Variants in CCDC88A observed in about 807,000 individuals in gnomAD.
CCDC88A encodes the protein coiled-coil and HOOK domain protein 88A.
In CCDC88A, 54 loss-of-function variants were observed where a neutral mutation model predicts 234.3. The ratio of observed to expected loss-of-function variants is 0.23; its 90% confidence interval spans 0.19 to 0.29. CCDC88A has a LOEUF of 0.29. Among genes scored for constraint, CCDC88A ranks in the 10% least tolerant of loss-of-function variants. The probability of loss-of-function intolerance (pLI) is 1.00; values close to 1 mark genes in which losing one functional copy is unlikely to be tolerated. For missense variants in CCDC88A, 1,832 were observed against 2,123.4 expected (o/e 0.86, Z 2.70); for synonymous variants, 753 against 737.8 (o/e 1.02, Z -0.33).
At position 55,309,249 on chromosome 2, in the gene CCDC88A, T is replaced by A. The variant is rs1289994881; in HGVS notation, c.4085A>T (p.Lys1362Met). 7.4e-7 allele frequency: 1 copy of A among 1,348,756 alleles called. No individual in the cohort carries two copies. The highest frequency in any genetic ancestry group is 1.0e-6 in the Non-Finnish European group (1 of 959,898). 83.5% of individuals were successfully genotyped at this position (1,348,756 alleles called of 1,614,324 possible). A position where few individuals can be genotyped will look rare whatever the true frequency, so the allele number is the denominator to read the frequency against. The change falls in exon 24 of 33, where the codon AAG becomes ATG. Residue 1362 changes from lysine to methionine, a missense_variant. By Grantham distance (95) the Lys-to-Met change is moderately conservative. Transcript: ENST00000436346. The surrounding 1 kb of genome is among the most constrained non-coding windows in gnomAD (Gnocchi z 5.1). ...FHVEQRQYID[K>M]LNELRRQKEK... is the part of the protein sequence containing the mutation. ...CTTCTGACGTCTTAATTCATTTAAC[T>A]TATCACTATAAAATAAAAATTACCT...
intron 2 of CCDC88A, among the ~76,000 whole-genome samples, chr2:55,410,302 A>G (rs6545491): frequency 0.87 from 131,981 of 152,164 alleles, 57,592 homozygotes; most frequent in Admixed American, 0.93. Flanking sequence ...AAAGAGCCAG[A>G]GATGACGGGA....
At chr2:55,370,599 C>T (rs538578972) in intron 5 of CCDC88A, among the ~76,000 whole-genome samples, 34 of 137,610 alleles carry the variant, frequency 2.5e-4, no homozygotes, top group Middle Eastern at 4.3e-3. Flanking sequence ...CAAGATAATA[C>T]CATTGCACTC....
At chr2:55,383,992 A>G (rs763725905) in intron 3 of CCDC88A, among the ~76,000 whole-genome samples, 1 of 152,100 alleles carries the variant, frequency 6.6e-6, no homozygotes, top group South Asian at 2.1e-4. Flanking sequence ...ATGAGCTACG[A>G]CCATGCCACT....
intron 2 of CCDC88A, chr2:55,394,070 TC>T (rs1271029356): frequency 6.6e-6 from 1 of 152,150 alleles, no homozygotes; most frequent in African/African-American, 2.4e-5. Context: ...AAAATCCTTC[TC>T]AGTCTCTCAA....
Position 55,289,178 on chromosome 2 carries a change from G to A in CCDC88A, c.*2022C>T, listed in dbSNP as rs1458455447. The A allele has an allele frequency of 6.6e-6, 1 of 152,450 alleles. No individual in the cohort carries two copies. The highest frequency in any genetic ancestry group is 2.4e-5 in the African/African-American group (1 of 41,376). The allele number at this position is 152,450 out of a possible 1,614,324, so 9.4% of individuals were successfully genotyped here. Reference sequence around the variant, plus strand: ...TTTAGGATATTAGTGTTCTGGAGAGGTCAAGCTGTAATGTCATTCGCCCTC... The same window carrying A: ...TTTAGGATATTAGTGTTCTGGAGAGATCAAGCTGTAATGTCATTCGCCCTC... On this transcript the variant is annotated 3_prime_UTR_variant, in exon 33 of 33. Transcript: ENST00000436346.
Position 55,316,107 on chromosome 2 carries a change from G to A in CCDC88A, c.3754C>T (p.His1252Tyr). 5 of 1,403,648 alleles carry A rather than the reference G, an allele frequency of 3.6e-6. No homozygotes were observed. The highest frequency in any genetic ancestry group is 4.9e-6 in the Non-Finnish European group (5 of 1,027,888). 86.9% of individuals were successfully genotyped at this position (1,403,648 alleles called of 1,614,324 possible). A position where few individuals can be genotyped will look rare whatever the true frequency, so the allele number is the denominator to read the frequency against. Residue 1252 changes from histidine to tyrosine, a missense_variant, in exon 22 of 33, where the codon CAT becomes TAT. His to Tyr is a moderately conservative substitution (Grantham distance 83). Around this residue, in one of 6 missense-constraint regions of CCDC88A, gnomAD observed 1,282 missense variants for 1,543.6 expected, o/e 0.83. Transcript: ENST00000436346. ...KLCGENDRLN[H>Y]TYSQLLKETE... ...TCTTTTAAAAGTTGACTATAGGTAT[G>A]ATTCAGCCTATAATTAGAAATCATA...
intron 2 of CCDC88A, among the ~76,000 whole-genome samples, chr2:55,398,393 C>T (rs1441623323): frequency 6.6e-6 from 1 of 152,160 alleles, no homozygotes; most frequent in Admixed American, 6.5e-5. Flanking sequence ...TTACTATAAA[C>T]TATCTGTACT....
chr2:55,340,387 C>T (rs755935590), intron 12 of CCDC88A: 1 of 152,146 alleles, frequency 6.6e-6, no homozygotes, highest in Non-Finnish European at 1.5e-5. Context: ...CCAACATATC[C>T]CCCACCATGC....
Position 55,301,880 on chromosome 2 carries a change from T to C in CCDC88A, c.4664A>G (p.Asn1555Ser), listed in dbSNP as rs367565628. 3 of 1,613,864 alleles carry C rather than the reference T, an allele frequency of 1.9e-6. No individual in the cohort carries two copies. The highest frequency in any genetic ancestry group is 2.5e-6 in the Non-Finnish European group (3 of 1,179,966). ...SAGFRSKQLV[N>S]NKDTTSFEDI... Reference sequence around the variant, plus strand: ...TAGCAGACAGCCTATACCTTTATTATTAACCAACTGCTTGGATCTGAAGCC... The same window carrying C: ...TAGCAGACAGCCTATACCTTTATTACTAACCAACTGCTTGGATCTGAAGCC... Residue 1555 changes from asparagine to serine, a missense_variant, in exon 27 of 33, where the codon AAT becomes AGT. By Grantham distance (46) the Asn-to-Ser change is conservative. Transcript: ENST00000436346.
chr2:55,326,080 T>G (rs1244468290), intron 17 of CCDC88A, among the ~76,000 whole-genome samples: 1 of 152,254 alleles, frequency 6.6e-6, no homozygotes, highest in African/African-American at 2.4e-5. Flanking sequence ...CTTTTATATC[T>G]AATATAGTTA....
intron 2 of CCDC88A, among the ~76,000 whole-genome samples, chr2:55,395,989 C>A (rs1423789806): frequency 1.3e-5 from 2 of 152,036 alleles, no homozygotes; most frequent in Admixed American, 1.3e-4. Context: ...CAAACAAAGA[C>A]AAACAGCAGC....
intron 3 of CCDC88A, among the ~76,000 whole-genome samples, chr2:55,377,931 C>A (rs188502966): frequency 1.3e-5 from 2 of 152,058 alleles, no homozygotes; most frequent in African/African-American, 4.8e-5. Context: ...TTAACAGACA[C>A]TGAATTTTTT....
rs747889242 is a variant in CCDC88A at position 55,295,700 on chromosome 2, T to C, written c.5448A>G (p.Thr1816=). 1.6e-5 allele frequency: 26 copies of C among 1,614,086 alleles called. No homozygotes were observed. Among genetic ancestry groups the C allele is most frequent in the Non-Finnish European group, 2.2e-5 (26 of 1,180,036 alleles). Residue 1816 remains threonine, a synonymous_variant, in exon 31 of 33, where the codon ACA becomes ACG. Coordinates refer to ENST00000436346, the MANE Select transcript of CCDC88A (RefSeq NM_001365480.1). ...AAAAATCATGGATGCTTGTCCTTCG[T>C]GTAGTTCCTTCGGCAGTTGAGATCA... ...SSVISTAEGT[T]RRTSIHDFLT... is the part of the protein sequence containing the mutation.
At chr2:55,357,698 C>A (rs1321600837) in intron 7 of CCDC88A, among the ~76,000 whole-genome samples, 2 of 152,074 alleles carry the variant, frequency 1.3e-5, no homozygotes, top group African/African-American at 4.8e-5. Flanking sequence ...TCTTATCTGC[C>A]TTCCCTGAAT....
chr2:55,364,078 G>T (rs1671659611), intron 5 of CCDC88A, 45 bp from the exon 6 acceptor site: 2 of 935,748 alleles, frequency 2.1e-6, no homozygotes, highest in African/African-American at 3.3e-5. Flanking sequence ...TATAGGGTAT[G>T]GTCCTTAAAA....
rs762084664 is a variant in CCDC88A, at chr2:55,295,954, C to A, written c.5194G>T (p.Ala1732Ser). 3.1e-6 allele frequency: 5 copies of A among 1,613,864 alleles called. No homozygotes were observed. The highest frequency in any genetic ancestry group is 4.5e-5 in the East Asian group (2 of 44,882). ...GKDKPVSCGL[A>S]RSVSGKTPGD... Reference sequence around the variant, plus strand: ...GGGGTTTTTCCACTTACTGACCTGGCCAGACCACAGCTAACTGGTTTGTCT... The same window carrying A: ...GGGGTTTTTCCACTTACTGACCTGGACAGACCACAGCTAACTGGTTTGTCT... Residue 1732 changes from alanine to serine, a missense_variant, in exon 31 of 33, where the codon GCC (alanine) becomes TCC (serine). By Grantham distance (99) the Ala-to-Ser change is moderately conservative. Transcript: ENST00000436346.
intron 7 of CCDC88A, among the ~76,000 whole-genome samples, chr2:55,359,642 T>C (rs1671031684): frequency 6.6e-6 from 1 of 150,616 alleles, no homozygotes; most frequent in Admixed American, 6.6e-5. Flanking sequence ...GGAATATATA[T>C]AAAAAATGAT....
intron 13 of CCDC88A, chr2:55,339,133 A>G: frequency 5.8e-6 from 1 of 171,962 alleles, no homozygotes; most frequent in Non-Finnish European, 1.2e-5. Flanking sequence ...TAATTTTTGT[A>G]CTTTTAGTGG....
In CCDC88A at chr2:55,291,789, G is replaced by A; in HGVS notation, c.5552-14C>T. 6.2e-7 allele frequency: 1 copy of A among 1,601,838 alleles called. No homozygotes were observed. Among genetic ancestry groups the A allele is most frequent in the Non-Finnish European group, 8.5e-7 (1 of 1,170,694 alleles). ...CTTTGTCCACATCTGCAGGAGAAAA[G>A]CATTTCATGTTATTTAGTCAAAGAT... On this transcript the variant is annotated splice_polypyrimidine_tract_variant and intron_variant, in intron 31 of 32. Coordinates refer to ENST00000436346, the MANE Select transcript of CCDC88A (RefSeq NM_001365480.1).
Sources: allele counts gnomAD v4.1 joint callset (sites outside exome capture counted in the v4.1 genomes callset), GRCh38; gene constraint gnomAD v4.1.1; regional missense constraint gnomAD v4.1.1; non-coding constraint Gnocchi (gnomAD v3.1); transcripts MANE v1.5; gene names NCBI Gene and HGNC (gene_info 2026-07-23, HGNC 2026-07-21).